GALNTL6: variants seen among roughly 807,000 people sequenced by gnomAD.
GALNTL6 encodes the protein polypeptide N-acetylgalactosaminyltransferase-like 6.
Under a neutral mutation model 73.7 loss-of-function variants are expected in GALNTL6, and 46 were observed. The ratio of observed to expected loss-of-function variants is 0.62; its 90% CI spans 0.49 to 0.80. GALNTL6 has a LOEUF of 0.80. Ranked by LOEUF, GALNTL6 falls within the 30% of genes least tolerant of loss-of-function variation. GALNTL6 has a pLI of 0.00. For synonymous variants in GALNTL6, 259 were observed against 263.7 expected (o/e 0.98, Z 0.17); for missense variants, 604 against 755.0 (o/e 0.80, Z 2.34).
chr4:172,102,815 A>C (rs6840612), intron 2 of GALNTL6, among the ~76,000 whole-genome samples: 1 of 152,120 alleles, frequency 6.6e-6, no homozygotes, highest in Admixed American at 6.5e-5. Flanking sequence ...CAGATAGATC[A>C]GGGGAGGTCA....
chr4:172,030,576 G>A (rs1308963322), intron 2 of GALNTL6, among the ~76,000 whole-genome samples: 2 of 151,722 alleles, frequency 1.3e-5, no homozygotes, highest in Non-Finnish European at 2.9e-5. Flanking sequence ...CAGGTGTGGT[G>A]GTGCACATCT....
At chr4:172,330,927 C>T (rs1002518452) in intron 4 of GALNTL6, among the ~76,000 whole-genome samples, 1 of 151,932 alleles carries the variant, frequency 6.6e-6, no homozygotes, top group African/African-American at 2.4e-5. Context: ...GTTTACTGAC[C>T]TTTTATTCTG....
intron 8 of GALNTL6, among the ~76,000 whole-genome samples, chr4:172,886,503 C>T (rs1207675410): frequency 7.9e-5 from 12 of 152,000 alleles, no homozygotes; most frequent in African/African-American, 1.7e-4. Context: ...CGGTGGCTCA[C>T]GACTATAATC....
chr4:172,189,476 T>TG (rs1735508803), intron 2 of GALNTL6, among the ~76,000 whole-genome samples: 1 of 152,106 alleles, frequency 6.6e-6, no homozygotes, highest in Non-Finnish European at 1.5e-5. Context: ...ACTTTCAGTT[T>TG]GGGGGAGTAT....
intron 5 of GALNTL6, among the ~76,000 whole-genome samples, chr4:172,573,000 A>G (rs1482842885): frequency 3.3e-5 from 5 of 152,136 alleles, no homozygotes; most frequent in African/African-American, 1.2e-4. Flanking sequence ...TGAAGTGGGT[A>G]CATGTTTTCT....
intron 3 of GALNTL6, among the ~76,000 whole-genome samples, chr4:172,303,266 G>T (rs1251331704): frequency 6.6e-6 from 1 of 152,154 alleles, no homozygotes; most frequent in Non-Finnish European, 1.5e-5. Flanking sequence ...CCAAAGTGCT[G>T]GGATTACAGA....
chr4:171,957,142 T>C (rs1475491252), intron 2 of GALNTL6, among the ~76,000 whole-genome samples: 1 of 152,198 alleles, frequency 6.6e-6, no homozygotes. Context: ...AGGCCATCTC[T>C]GACTTTACTG....
At position 172,722,054 on chromosome 4, in the gene GALNTL6, T is replaced by G. The variant is rs145992018; in HGVS notation, c.554-87307T>G. Among the ~76,000 whole-genome samples, 630 of 152,076 alleles carry G rather than the reference T, an allele frequency of 4.1e-3. 2 individuals are homozygous for G. Among genetic ancestry groups the G allele is most frequent in the African/African-American group, 0.015 (605 of 41,492 alleles). ...CAGTCCTGCACGAACAGAGTTCTGA[T>G]TAATGATGTGGCTCCTTTCTGTCAA... On this transcript the variant is annotated intron_variant, in intron 5 of 12. Transcript: ENST00000506823.
intron 2 of GALNTL6, among the ~76,000 whole-genome samples, chr4:171,899,668 T>A (rs925131625): frequency 2.0e-5 from 3 of 152,180 alleles, no homozygotes; most frequent in African/African-American, 7.2e-5. Context: ...GAACAAAGAC[T>A]AATTGCTAGG....
chr4:173,032,430 G>C (rs1753505970), intron 12 of GALNTL6, among the ~76,000 whole-genome samples: 1 of 148,758 alleles, frequency 6.7e-6, no homozygotes, highest in Admixed American at 6.7e-5. Context: ...CAGCCTCGGC[G>C]ACAGAGCGAG....
chr4:172,826,878 A>T (rs941933323), intron 7 of GALNTL6, among the ~76,000 whole-genome samples: 2 of 152,190 alleles, frequency 1.3e-5, no homozygotes, highest in African/African-American at 4.8e-5. Context: ...GTCTAACTCC[A>T]TGCCGGGATT....
At chr4:171,988,788 G>T (rs549655246) in intron 2 of GALNTL6, among the ~76,000 whole-genome samples, 1 of 152,072 alleles carries the variant, frequency 6.6e-6, no homozygotes, top group Non-Finnish European at 1.5e-5. Flanking sequence ...GCATTGAGCC[G>T]GGTAAGAGTG....
intron 5 of GALNTL6, among the ~76,000 whole-genome samples, chr4:172,476,234 T>C (rs1481411955): frequency 6.6e-6 from 1 of 152,244 alleles, no homozygotes; most frequent in East Asian, 1.9e-4. Flanking sequence ...TCCTCGTTCA[T>C]AGAAATGGCA....
intron 2 of GALNTL6, among the ~76,000 whole-genome samples, chr4:172,200,676 T>C (rs1735922891): frequency 6.6e-6 from 1 of 152,230 alleles, no homozygotes; most frequent in South Asian, 2.1e-4. Flanking sequence ...ACAAGCACAT[T>C]AGTAAATGTG....
intron 5 of GALNTL6, among the ~76,000 whole-genome samples, chr4:172,412,495 A>T (rs1488538674): frequency 6.6e-6 from 1 of 152,208 alleles, no homozygotes; most frequent in South Asian, 2.1e-4. Flanking sequence ...GAAACCACAG[A>T]TAGCATAACG....
At chr4:171,994,722 A>T (rs982887140) in intron 2 of GALNTL6, among the ~76,000 whole-genome samples, 8 of 137,446 alleles carry the variant, frequency 5.8e-5, no homozygotes, top group Non-Finnish European at 1.2e-4. Context: ...TGCAATACAA[A>T]ATATGAAAAA....
chr4:172,646,694 T>G (rs1449407918), intron 5 of GALNTL6, among the ~76,000 whole-genome samples: 1 of 152,150 alleles, frequency 6.6e-6, no homozygotes, highest in South Asian at 2.1e-4. Flanking sequence ...TTATAAAGAC[T>G]TTCAAATATC....
chr4:172,025,913 C>T (rs1741559162), intron 2 of GALNTL6, among the ~76,000 whole-genome samples: 1 of 151,892 alleles, frequency 6.6e-6, no homozygotes, highest in African/African-American at 2.4e-5. Flanking sequence ...CATGTTAATT[C>T]AAGTCTTATT....
At chr4:171,921,462 T>C (rs970459868) in intron 2 of GALNTL6, among the ~76,000 whole-genome samples, 5 of 152,056 alleles carry the variant, frequency 3.3e-5, no homozygotes, top group Non-Finnish European at 5.9e-5. Flanking sequence ...CTATACACAG[T>C]ATGCATTAGC....
Sources: gnomAD v4.1 joint callset for allele counts (sites outside exome capture counted in the v4.1 genomes callset) on GRCh38, gnomAD v4.1.1 for gene constraint, MANE v1.5 for transcripts, NCBI Gene and HGNC (gene_info 2026-07-23, HGNC 2026-07-21) for gene names.